The following NBEA variants were observed in gnomAD, a reference collection of about 807,000 sequenced individuals.
NBEA encodes neurobeachin, also known as lysosomal-trafficking regulator 2.
Under a neutral mutation model 343.4 loss-of-function variants are expected in NBEA, and 44 were observed. The observed-to-expected ratio is 0.13, with a 90% CI of 0.10 to 0.16. The LOEUF (loss-of-function observed/expected upper bound fraction) is 0.16, where lower values mean the gene tolerates loss of function less well. Among genes scored for constraint, NBEA ranks in the 10% least tolerant of loss-of-function variants. The pLI, the probability that NBEA is intolerant of heterozygous loss-of-function variation, is 1.00. For missense variants in NBEA, 2,555 were observed against 3,631.3 expected (o/e 0.70, Z 7.62); for synonymous variants, 1,175 against 1,238.7 (o/e 0.95, Z 1.08).
At chr13:35,535,818 ATTACT>A (rs1308533868) in intron 41 of NBEA, among the ~76,000 whole-genome samples, 1 of 152,192 alleles carries the variant, frequency 6.6e-6, no homozygotes, top group Non-Finnish European at 1.5e-5. Flanking sequence ...TATATAAAAA[ATTACT>A]TTAGTCTACA....
chr13:35,348,297 A>G (rs1053592746), intron 36 of NBEA, among the ~76,000 whole-genome samples: 1 of 152,100 alleles, frequency 6.6e-6, no homozygotes. Flanking sequence ...TGTACTAATA[A>G]TTATCAGTGT....
chr13:35,152,410 T>C (rs1593524955), intron 18 of NBEA, among the ~76,000 whole-genome samples: 1 of 152,270 alleles, frequency 6.6e-6, no homozygotes, highest in East Asian at 1.9e-4. Flanking sequence ...CTGTAAAGAT[T>C]CTCTGACCCA....
intron 34 of NBEA, among the ~76,000 whole-genome samples, chr13:35,265,356 G>A (rs2033583191): frequency 6.6e-6 from 1 of 151,714 alleles, no homozygotes; most frequent in Non-Finnish European, 1.5e-5. Flanking sequence ...CTTCACAAAA[G>A]TAGAAAAATC....
intron 38 of NBEA, among the ~76,000 whole-genome samples, chr13:35,411,005 A>G (rs1359421207): frequency 1.3e-5 from 2 of 152,162 alleles, no homozygotes; most frequent in African/African-American, 4.8e-5. Context: ...CAGCAAGCAT[A>G]ATGCCTTGAG....
intron 41 of NBEA, chr13:35,476,756 A>ACCTT: frequency 9.5e-7 from 1 of 1,056,246 alleles, no homozygotes. Context: ...GCCAATCGCC[A>ACCTT]CTGGGCTCGT....
At chr13:35,331,441 C>A (rs559590028) in intron 36 of NBEA, among the ~76,000 whole-genome samples, 1 of 152,092 alleles carries the variant, frequency 6.6e-6, no homozygotes, top group Admixed American at 6.6e-5. Flanking sequence ...AATTATAATG[C>A]TGCTGAACAA....
intron 41 of NBEA, among the ~76,000 whole-genome samples, chr13:35,507,696 A>G (rs1486256290): frequency 6.6e-6 from 1 of 152,136 alleles, no homozygotes; most frequent in Admixed American, 6.6e-5. Context: ...TCTCTACTTC[A>G]AAATATATCC....
chr13:35,587,437 G>A (rs534768767), intron 46 of NBEA, among the ~76,000 whole-genome samples: 25 of 152,170 alleles, frequency 1.6e-4, no homozygotes, highest in South Asian at 8.3e-4. Flanking sequence ...CTCAGGTCCC[G>A]TCAATGACAA....
At position 35,585,009 on chromosome 13, in the gene NBEA, C is replaced by T. The variant is rs9565389; in HGVS notation, c.7176+971C>T. ...GCACACTGGCACTTGCTCTCCCCCC[C>T]TCCCTCATTCTTTCTTCTTGGGCAG... On this transcript the variant is annotated intron_variant, in intron 46 of 58. Transcript: ENST00000379939. 6.6e-5 allele frequency among the ~76,000 whole-genome samples: 10 copies of T among 151,336 alleles called. 1 individual carries two copies. The highest frequency in any genetic ancestry group is 2.2e-4 in the African/African-American group (9 of 41,212).
chr13:34,970,830 T>C (rs917812221), intron 1 of NBEA, among the ~76,000 whole-genome samples: 18 of 152,184 alleles, frequency 1.2e-4, no homozygotes, highest in Non-Finnish European at 2.1e-4. Context: ...TTGTTCTTTT[T>C]GCTTAGGATT....
intron 1 of NBEA, among the ~76,000 whole-genome samples, chr13:35,015,906 G>A (rs1421924677): frequency 6.6e-6 from 1 of 151,938 alleles, no homozygotes. Flanking sequence ...TTATAATTAT[G>A]GCTGAATTTT....
chr13:35,527,893 G>A (rs1472488810), intron 41 of NBEA, among the ~76,000 whole-genome samples: 4 of 152,184 alleles, frequency 2.6e-5, no homozygotes, highest in African/African-American at 9.6e-5. Flanking sequence ...CCCAGCAGCT[G>A]TTCTAGTCAG....
intron 46 of NBEA, 71 bp downstream of exon 46, chr13:35,584,109 T>C: frequency 7.4e-7 from 1 of 1,356,980 alleles, no homozygotes. Flanking sequence ...TAAATAAAAA[T>C]CAAATCAGTT....
At chr13:35,121,162 T>C (rs1346726864) in intron 16 of NBEA, among the ~76,000 whole-genome samples, 1 of 152,080 alleles carries the variant, frequency 6.6e-6, no homozygotes, top group African/African-American at 2.4e-5. Context: ...TGGAGTGCAG[T>C]GGTACCATCT....
chr13:35,279,083 G>A (rs536039468), intron 34 of NBEA, among the ~76,000 whole-genome samples: 124 of 152,262 alleles, frequency 8.1e-4, no homozygotes, highest in Non-Finnish European at 6.3e-4. Context: ...TTTTCAGACT[G>A]CAGGCTGTGA....
chr13:35,454,258 A>G (rs778866023), intron 40 of NBEA, among the ~76,000 whole-genome samples: 2 of 152,222 alleles, frequency 1.3e-5, no homozygotes, highest in Non-Finnish European at 2.9e-5. Context: ...TATTTTGTAA[A>G]TGCTGAAGCC....
chr13:35,112,068 C>T lies in NBEA; in HGVS notation c.2002+1090C>T, dbSNP rs112065413. ...AGTAGCTGGGACTACAGGCGCCTGCCAGCACGCCCGGCTAATTTTTTTATA... is the reference window on the plus strand; with the variant it reads ...AGTAGCTGGGACTACAGGCGCCTGCTAGCACGCCCGGCTAATTTTTTTATA... On this transcript the variant is annotated intron_variant, in intron 13 of 58. Transcript: ENST00000379939. Among the ~76,000 whole-genome samples the T allele has an allele frequency of 3.9e-4, 59 of 151,948 alleles. 1 individual carries two copies. The highest frequency in any genetic ancestry group is 1.3e-3 in the African/African-American group (54 of 41,484).
At chr13:35,089,192 T>A in intron 10 of NBEA, among the ~76,000 whole-genome samples, 1 of 72,036 alleles carries the variant, frequency 1.4e-5, no homozygotes, top group Non-Finnish European at 2.6e-5. Flanking sequence ...GAATCTACAA[T>A]GAACTCAAAC....
chr13:35,341,102 T>C (rs2039559311), intron 36 of NBEA, among the ~76,000 whole-genome samples: 1 of 152,012 alleles, frequency 6.6e-6, no homozygotes, highest in African/African-American at 2.4e-5. Context: ...TATGGTCAAT[T>C]TATTTTCAAC....
Sources: allele counts gnomAD v4.1 joint callset (sites outside exome capture counted in the v4.1 genomes callset), GRCh38; gene constraint gnomAD v4.1.1; transcripts MANE v1.5; gene names NCBI Gene and HGNC (gene_info 2026-07-23, HGNC 2026-07-21).